KCTD8: variants seen among roughly 807,000 people sequenced by gnomAD.
KCTD8 encodes potassium channel tetramerization domain containing 8.
In KCTD8, 27 loss-of-function variants were observed where a neutral mutation model predicts 31.5. The ratio of observed to expected loss-of-function variants is 0.86; its 90% CI spans 0.63 to 1.18. The LOEUF is 1.18. Ranked by LOEUF, KCTD8 falls within the 50% of genes most tolerant of loss-of-function variation. The pLI is 0.00. For missense variants in KCTD8, 658 were observed against 647.7 expected, an observed-to-expected ratio of 1.02 and a Z score of -0.17; for synonymous variants, 290 against 280.0, an observed-to-expected ratio of 1.04 and a Z score of -0.36.
intron 1 of KCTD8, among the ~76,000 whole-genome samples, chr4:44,219,721 T>G (rs768191027): frequency 6.6e-6 from 1 of 152,220 alleles, no homozygotes; most frequent in Admixed American, 6.5e-5. Context: ...TGTGGTGATT[T>G]GTTACAGTAA....
chr4:44,442,637 A>C (rs1430565960), intron 1 of KCTD8, among the ~76,000 whole-genome samples: 1 of 152,204 alleles, frequency 6.6e-6, no homozygotes, highest in African/African-American at 2.4e-5. Context: ...GTGACTTTTA[A>C]ATGACAAGCA....
At chr4:44,253,296 C>T (rs1476572797) in intron 1 of KCTD8, among the ~76,000 whole-genome samples, 1 of 151,444 alleles carries the variant, frequency 6.6e-6, no homozygotes, top group Non-Finnish European at 1.5e-5. Context: ...TCTTTTTAAT[C>T]ACAAATTCAA....
intron 1 of KCTD8, among the ~76,000 whole-genome samples, chr4:44,424,066 C>A (rs1721287164): frequency 6.6e-6 from 1 of 152,060 alleles, no homozygotes; most frequent in South Asian, 2.1e-4. Context: ...TTTAGTCCAG[C>A]ACAATGGGTT....
At chr4:44,359,788 G>A in intron 1 of KCTD8, among the ~76,000 whole-genome samples, 1 of 152,012 alleles carries the variant, frequency 6.6e-6, no homozygotes, top group Admixed American at 6.6e-5. Flanking sequence ...CATGAGACCA[G>A]ATAAGGGAGG....
At chr4:44,301,230 C>T (rs1488062767) in intron 1 of KCTD8, among the ~76,000 whole-genome samples, 1 of 152,070 alleles carries the variant, frequency 6.6e-6, no homozygotes, top group African/African-American at 2.4e-5. Context: ...GGGTATATAC[C>T]CAGTAATGGG....
chr4:44,320,170 CA>C (rs35250421), intron 1 of KCTD8, among the ~76,000 whole-genome samples: 291 of 31,878 alleles, frequency 9.1e-3, no homozygotes, highest in African/African-American at 0.035. Flanking sequence ...GCCTCCATCT[CA>C]AAAAAAAAAA....
chr4:44,427,476 A>T (rs1049384749), intron 1 of KCTD8, among the ~76,000 whole-genome samples: 4 of 150,926 alleles, frequency 2.7e-5, no homozygotes, highest in Admixed American at 6.6e-5. Flanking sequence ...ATAGAAAAAA[A>T]TGGAATTAAC....
chr4:44,319,640 A>G (rs1021893196), intron 1 of KCTD8, among the ~76,000 whole-genome samples: 1 of 152,186 alleles, frequency 6.6e-6, no homozygotes, highest in East Asian at 1.9e-4. Context: ...TTGAAGAATT[A>G]TTATGAACTT....
chr4:44,234,549 G>A (rs1715219631), intron 1 of KCTD8, among the ~76,000 whole-genome samples: 1 of 152,180 alleles, frequency 6.6e-6, no homozygotes, highest in African/African-American at 2.4e-5. Context: ...ACTGAACAGG[G>A]AAAATAAGCA....
chr4:44,227,374 T>A (rs559476865), intron 1 of KCTD8, among the ~76,000 whole-genome samples: 127 of 152,136 alleles, frequency 8.3e-4, no homozygotes, highest in Non-Finnish European at 1.6e-3. Context: ...ATTTCTGAGG[T>A]CTCTGTTCTG....
At chr4:44,229,562 G>T (rs906737753) in intron 1 of KCTD8, among the ~76,000 whole-genome samples, 2 of 152,162 alleles carry the variant, frequency 1.3e-5, no homozygotes, top group African/African-American at 4.8e-5. Context: ...CATGGGAAAG[G>T]GATGCAAAAT....
At chr4:44,364,432 C>T (rs1018433085) in intron 1 of KCTD8, among the ~76,000 whole-genome samples, 1 of 152,010 alleles carries the variant, frequency 6.6e-6, no homozygotes, top group Non-Finnish European at 1.5e-5. Context: ...ACTGGCAAAA[C>T]CTGAGGGTAA....
At chr4:44,277,175 A>C (rs776596410) in intron 1 of KCTD8, among the ~76,000 whole-genome samples, 5 of 151,892 alleles carry the variant, frequency 3.3e-5, no homozygotes, top group Non-Finnish European at 7.4e-5. Flanking sequence ...TCCTAAAATG[A>C]GTACCTCAAA....
chr4:44,402,961 C>CA (rs1295786085), intron 1 of KCTD8, among the ~76,000 whole-genome samples: 3 of 152,158 alleles, frequency 2.0e-5, no homozygotes, highest in African/African-American at 7.2e-5. Context: ...AAATGTGCCC[C>CA]TTGGCACCCA....
At chr4:44,447,422 C>G in intron 1 of KCTD8, 141 bp downstream of exon 1, 1 of 1,299,172 alleles carries the variant, frequency 7.7e-7, no homozygotes, top group Non-Finnish European at 1.0e-6. Flanking sequence ...ATAAGGGAAT[C>G]GTGCAGGGAG....
intron 1 of KCTD8, among the ~76,000 whole-genome samples, chr4:44,187,602 A>G (rs1713626175): frequency 6.6e-6 from 1 of 152,144 alleles, no homozygotes; most frequent in African/African-American, 2.4e-5. Context: ...TTTTACAAGT[A>G]TATGTTTTAT....
intron 1 of KCTD8, among the ~76,000 whole-genome samples, chr4:44,255,840 T>C (rs1178988506): frequency 6.6e-6 from 1 of 151,972 alleles, no homozygotes; most frequent in East Asian, 1.9e-4. Flanking sequence ...AGCAAATATA[T>C]CTTAAACAGG....
At chr4:44,210,397 A>T (rs1340321836) in intron 1 of KCTD8, among the ~76,000 whole-genome samples, 1 of 152,214 alleles carries the variant, frequency 6.6e-6, no homozygotes, top group African/African-American at 2.4e-5. Flanking sequence ...TAATCTGGAC[A>T]ATGCTTTTAT....
chr4:44,310,828 G>T (rs1370754787), intron 1 of KCTD8, among the ~76,000 whole-genome samples: 4 of 152,054 alleles, frequency 2.6e-5, no homozygotes, highest in Admixed American at 6.6e-5. Context: ...TTTTATTTGT[G>T]TGAGTGGGTG....
Sources: gnomAD v4.1 joint callset for allele counts (sites outside exome capture counted in the v4.1 genomes callset) on GRCh38, gnomAD v4.1.1 for gene constraint, MANE v1.5 for transcripts, NCBI Gene and HGNC (gene_info 2026-07-23, HGNC 2026-07-21) for gene names.